HPN: variants seen among roughly 807,000 people sequenced by gnomAD.
HPN encodes the protein serine protease hepsin.
A neutral mutation model predicts 55.9 loss-of-function variants in HPN; 13 were observed. The ratio of observed to expected loss-of-function variants is 0.23; its 90% CI spans 0.15 to 0.37. HPN has a LOEUF of 0.37. Ranked by LOEUF, HPN falls within the 10% of genes least tolerant of loss-of-function variation. The pLI is 1.00. For synonymous variants in HPN, 225 were observed against 240.3 expected, an observed-to-expected ratio of 0.94 and a Z score of 0.59; for missense variants, 451 against 575.8, an observed-to-expected ratio of 0.78 and a Z score of 2.22.
intron 9 of HPN, among the ~76,000 whole-genome samples, chr19:35,062,957 G>T (rs1264947962): frequency 6.6e-6 from 1 of 152,196 alleles, no homozygotes; most frequent in Non-Finnish European, 1.5e-5. Context: ...GTTCATGATT[G>T]AGTATTCGAG....
chr19:35,066,461 C>A lies in HPN; in HGVS notation c.*174C>A. ...GCGGGCCCACTCAGCCCCGAGACCA[C>A]CCAACCTCACCCTCCTGACCCCCAT... is the stretch of plus-strand genomic sequence containing the variant. On this transcript the variant is annotated 3_prime_UTR_variant, in exon 13 of 13. Transcript: ENST00000672452. 1 of 731,652 alleles carries A rather than the reference C, an allele frequency of 1.4e-6. No homozygotes were observed. Among genetic ancestry groups the A allele is most frequent in the Non-Finnish European group, 2.2e-6 (1 of 453,030 alleles). 45.3% of individuals were successfully genotyped at this position (731,652 alleles called of 1,614,324 possible).
chr19:35,058,567 T>C (rs1311436664), intron 4 of HPN, among the ~76,000 whole-genome samples: 1 of 147,286 alleles, frequency 6.8e-6, no homozygotes, highest in Non-Finnish European at 1.5e-5. Flanking sequence ...AATATATTAA[T>C]ATTATATTAT....
chr19:35,045,739 C>G (rs376967230), intron 2 of HPN, among the ~76,000 whole-genome samples: 5 of 128,622 alleles, frequency 3.9e-5, no homozygotes, highest in African/African-American at 1.4e-4. Context: ...AGTAGAGACA[C>G]GCAGGGAGGA....
intron 2 of HPN, among the ~76,000 whole-genome samples, chr19:35,044,332 G>A (rs1001628849): frequency 7.2e-5 from 11 of 152,212 alleles, no homozygotes; most frequent in Admixed American, 7.2e-4. Flanking sequence ...ATGCCAGGCA[G>A]AGGGAAGAGC....
chr19:35,053,950 C>T (rs779006226), intron 4 of HPN, among the ~76,000 whole-genome samples: 24 of 152,204 alleles, frequency 1.6e-4, no homozygotes, highest in Admixed American at 9.2e-4. Context: ...CAGTGCCAGC[C>T]GTAGCTGAAT....
chr19:35,052,555 A>AAAAAAAT (rs2064416001), intron 4 of HPN, among the ~76,000 whole-genome samples: 1 of 134,360 alleles, frequency 7.4e-6, no homozygotes, highest in Non-Finnish European at 1.6e-5. Context: ...AAAAAAAAAA[A>AAAAAAAT]GGCTGTGCAG....
chr19:35,048,728 TA>T (rs1314308818), intron 2 of HPN, among the ~76,000 whole-genome samples: 2 of 151,996 alleles, frequency 1.3e-5, no homozygotes, highest in Admixed American at 1.3e-4. Context: ...ACCACGTCGC[TA>T]AAAAAATTAA....
In HPN at chr19:35,044,866, G is replaced by A. The variant is rs551296071; in HGVS notation, c.16+2344G>A. Among the ~76,000 whole-genome samples, 19 of 152,152 alleles carry A rather than the reference G, an allele frequency of 1.2e-4. 1 individual carries two copies. The South Asian group carries it at 3.9e-3, about 32-fold the overall frequency. ...GAGGGTGCGCTAGAAGGGAGACTGA[G>A]CCCAGCGGTTGGATGGGGCCGGAGC... On this transcript the variant is annotated intron_variant, in intron 2 of 12. Transcript: ENST00000672452.
chr19:35,062,355 T>C (rs923216379), intron 9 of HPN, among the ~76,000 whole-genome samples: 4 of 152,168 alleles, frequency 2.6e-5, no homozygotes, highest in Non-Finnish European at 4.4e-5. Context: ...AATTGTCTAA[T>C]ATGTGAATAG....
chr19:35,051,902 A>G (rs116671242), intron 4 of HPN, among the ~76,000 whole-genome samples: 2,734 of 152,222 alleles, frequency 0.018, 78 homozygotes, highest in African/African-American at 0.063. Context: ...CCCCTGTCAA[A>G]AGCCCCTCCG....
intron 2 of HPN, among the ~76,000 whole-genome samples, chr19:35,047,797 C>T (rs904833459): frequency 1.2e-4 from 18 of 151,916 alleles, no homozygotes; most frequent in East Asian, 3.9e-4. Context: ...TGGGAGTTCA[C>T]GACCAGCCTG....
rs1383074102 is a variant in HPN, at chr19:35,060,130, G to A, written c.415G>A (p.Asp139Asn). 1.9e-6 allele frequency: 3 copies of A among 1,614,146 alleles called. No homozygotes were observed. The South Asian group carries it at 3.3e-5, about 18-fold the overall frequency. ...QRLLEVISVCDCPRGRFLAAI... is the reference protein window; with the variant it reads ...QRLLEVISVCNCPRGRFLAAI... Reference sequence around the variant, plus strand: ...TGTCTCCAATCCCATCTCTCCCAGTGATTGCCCCAGAGGCCGTTTCTTGGC... The same window carrying A: ...TGTCTCCAATCCCATCTCTCCCAGTAATTGCCCCAGAGGCCGTTTCTTGGC... The change falls in exon 7 of 13, where the codon GAT becomes AAT. Residue 139 changes from aspartate to asparagine, a missense_variant and splice_region_variant. By Grantham distance (23) the Asp-to-Asn change is conservative. Transcript: ENST00000672452.
chr19:35,040,834 T>C (rs905752581), upstream of HPN, among the ~76,000 whole-genome samples: 2 of 151,104 alleles, frequency 1.3e-5, no homozygotes, highest in African/African-American at 4.9e-5. Flanking sequence ...CTGGGCTGAG[T>C]GGAGGAAATG....
At chr19:35,064,761 A>C (rs990966305) in intron 9 of HPN, among the ~76,000 whole-genome samples, 2 of 152,094 alleles carry the variant, frequency 1.3e-5, no homozygotes, top group African/African-American at 4.8e-5. Flanking sequence ...AAAATGGTGC[A>C]GGAAGGCGCC....
upstream of HPN, among the ~76,000 whole-genome samples, chr19:35,041,239 C>T (rs997697604): frequency 2.6e-5 from 4 of 152,088 alleles, no homozygotes; most frequent in Admixed American, 1.3e-4. Flanking sequence ...TTGTAGGAAG[C>T]CAGCGGGGGA....
chr19:35,050,423 T>A, intron 4 of HPN: 1 of 948,066 alleles, frequency 1.1e-6, no homozygotes, highest in Non-Finnish European at 1.4e-6. Context: ...CGCCTGTCCC[T>A]GGTAATTAGC....
At chr19:35,048,024 G>GAGAAAAAAGAAAGAAAGAAAGAA (rs2064359444) in intron 2 of HPN, among the ~76,000 whole-genome samples, 1 of 65,052 alleles carries the variant, frequency 1.5e-5, no homozygotes, top group Non-Finnish European at 3.1e-5. Context: ...GAGAGAGAGA[G>GAGAAAAAAGAAAGAAAGAAAGAA]AGAAAAAGAA....
chr19:35,052,288 G>A (rs1420123918), intron 4 of HPN, among the ~76,000 whole-genome samples: 1 of 152,132 alleles, frequency 6.6e-6, no homozygotes, highest in Non-Finnish European at 1.5e-5. Context: ...AGCACTTTGG[G>A]AGGCCGAGGC....
chr19:35,065,858 C>T lies in HPN; in HGVS notation c.1051-10C>T, dbSNP rs752744854. On this transcript the variant is annotated splice_polypyrimidine_tract_variant and intron_variant, in intron 11 of 12. Coordinates refer to ENST00000672452, the MANE Select transcript of HPN (RefSeq NM_001384133.1). ...TTGGCCTTCAGCCAGACCTCCCTCT[C>T]CCCTCCCAGGGCGACAGCGGTGGTC... 9 of 1,613,640 alleles carry T rather than the reference C, an allele frequency of 5.6e-6. 1 individual carries two copies. In the South Asian group the frequency reaches 9.9e-5, roughly 18 times the overall value.
Sources: gnomAD v4.1 joint callset for allele counts (sites outside exome capture counted in the v4.1 genomes callset) on GRCh38, gnomAD v4.1.1 for gene constraint, MANE v1.5 for transcripts, NCBI Gene and HGNC (gene_info 2026-07-23, HGNC 2026-07-21) for gene names.